Variants in SLC26A5 observed in about 807,000 individuals in gnomAD.
The protein encoded by SLC26A5 is solute carrier family 26 member 5.
Under a neutral mutation model 81.0 loss-of-function variants are expected in SLC26A5, and 51 were observed. The observed-to-expected ratio is 0.63, with a 90% confidence interval of 0.50 to 0.80. The LOEUF (loss-of-function observed/expected upper bound fraction) is 0.80. Ranked by LOEUF, SLC26A5 falls within the 30% of genes least tolerant of loss-of-function variation. SLC26A5 has a pLI of 0.00. For missense variants in SLC26A5, 771 were observed against 905.8 expected, an observed-to-expected ratio of 0.85 and a Z score of 1.91; for synonymous variants, 325 against 332.8, an observed-to-expected ratio of 0.98 and a Z score of 0.25.
At chr7:103,377,905 A>C in intron 17 of SLC26A5, 106 bp from the exon 18 acceptor site, 1 of 988,792 alleles carries the variant, frequency 1.0e-6, no homozygotes, top group Non-Finnish European at 1.6e-6. Flanking sequence ...TAAGCTACTG[A>C]CTCTACCAGA....
chr7:103,383,585 T>C (rs1307565790), intron 14 of SLC26A5, among the ~76,000 whole-genome samples: 2 of 152,252 alleles, frequency 1.3e-5, no homozygotes, highest in Non-Finnish European at 2.9e-5. Flanking sequence ...GCATCTCTTA[T>C]GCTTCTCACA....
rs114748925 is a variant in SLC26A5 at position 103,379,143 on chromosome 7, C to T, written c.1677+100G>A. On this transcript the variant is annotated intron_variant, in intron 16 of 19. Coordinates refer to ENST00000306312, the MANE Select transcript of SLC26A5 (RefSeq NM_198999.3). ...TACAATAAAAGAGAGAGAAACAAAG[C>T]GAGAATGAAATAGTATATACAAAGG... 5.8e-4 allele frequency: 480 copies of T among 821,900 alleles called. No individual in the cohort carries two copies. In the African/African-American group the frequency reaches 6.7e-3, roughly 11 times the overall value. 50.9% of individuals were successfully genotyped at this position (821,900 alleles called of 1,614,324 possible). A position where few individuals can be genotyped will look rare whatever the true frequency, so the allele number is the denominator to read the frequency against.
chr7:103,392,646 C>T (rs1442086404), intron 10 of SLC26A5, among the ~76,000 whole-genome samples: 1 of 152,188 alleles, frequency 6.6e-6, no homozygotes, highest in Non-Finnish European at 1.5e-5. Context: ...GGCGCGACCT[C>T]GGCTCACTGC....
chr7:103,407,897 C>A lies in SLC26A5; in HGVS notation c.842G>T (p.Arg281Ile). Residue 281 changes from arginine to isoleucine, a missense_variant, in exon 8 of 20, where the codon AGA (arginine) becomes ATA (isoleucine). Physicochemically the swap from Arg to Ile is moderately conservative, Grantham distance 97 (BLOSUM62 -3). Transcript: ENST00000306312. ...AGGCGCCGGCAATTTCTCTTTAAATCTCTCATTAAACTCCTTGCCACCCAA... is the reference window on the plus strand; with the variant it reads ...AGGCGCCGGCAATTTCTCTTTAAATATCTCATTAAACTCCTTGCCACCCAA... ...LLLGGKEFNERFKEKLPAPIP... is the reference protein window; with the variant it reads ...LLLGGKEFNEIFKEKLPAPIP... The A allele has an allele frequency of 6.2e-7, 1 of 1,614,162 alleles. No homozygotes were observed. Among genetic ancestry groups the A allele is most frequent in the Non-Finnish European group, 8.5e-7 (1 of 1,180,028 alleles).
intron 19 of SLC26A5, among the ~76,000 whole-genome samples, chr7:103,358,467 T>G (rs1820170080): frequency 6.6e-6 from 1 of 152,182 alleles, no homozygotes; most frequent in Non-Finnish European, 1.5e-5. Flanking sequence ...CCAGGATTGC[T>G]CCTCTAATTT....
intron 2 of SLC26A5, among the ~76,000 whole-genome samples, chr7:103,439,528 GTTGT>G (rs1554351272): frequency 2.0e-4 from 30 of 148,520 alleles, no homozygotes; most frequent in African/African-American, 5.4e-4. Flanking sequence ...GTCTGTTGTT[GTTGT>G]TTGTTTGTTT....
chr7:103,408,059 A>G, intron 7 of SLC26A5, 56 bp from the exon 8 acceptor site: 1 of 1,599,348 alleles, frequency 6.3e-7, no homozygotes, highest in Non-Finnish European at 8.6e-7. Flanking sequence ...TGAGAGAGAC[A>G]GAGACACTCT....
chr7:103,441,716 G>A (rs1275244569), intron 2 of SLC26A5, among the ~76,000 whole-genome samples: 1 of 152,106 alleles, frequency 6.6e-6, no homozygotes, highest in African/African-American at 2.4e-5. Context: ...ATCGTCTCTG[G>A]GGACCTTTAG....
chr7:103,416,336 ACTATAGGT>A (rs1824906234), intron 4 of SLC26A5, among the ~76,000 whole-genome samples: 1 of 152,198 alleles, frequency 6.6e-6, no homozygotes, highest in Non-Finnish European at 1.5e-5. Flanking sequence ...CCCACTTGTC[ACTATAGGT>A]CTTTTATAGG....
downstream of SLC26A5, among the ~76,000 whole-genome samples, chr7:103,371,960 A>G (rs773883114): frequency 4.0e-5 from 6 of 151,722 alleles, no homozygotes; most frequent in Non-Finnish European, 7.4e-5. Flanking sequence ...CTCCCAAAGT[A>G]CTGGGATTAC....
At chr7:103,388,253 G>C (rs1190254350) in intron 14 of SLC26A5, among the ~76,000 whole-genome samples, 11 of 145,944 alleles carry the variant, frequency 7.5e-5, no homozygotes, top group Non-Finnish European at 1.5e-5. Context: ...CTGGAGCGTA[G>C]TGGTGTGATC....
chr7:103,364,430 A>G, intron 19 of SLC26A5: 1 of 1,104,888 alleles, frequency 9.1e-7, no homozygotes, highest in Non-Finnish European at 1.3e-6. Flanking sequence ...TTTTGTTGAG[A>G]CAGAGTCTCA....
chr7:103,364,347 G>T (rs750961758), intron 19 of SLC26A5: 2 of 1,603,338 alleles, frequency 1.2e-6, no homozygotes, highest in Admixed American at 3.4e-5. Context: ...CCTTGTGAAA[G>T]ATTTTACAGT....
intron 14 of SLC26A5, among the ~76,000 whole-genome samples, chr7:103,387,924 C>T (rs1408198359): frequency 2.0e-5 from 3 of 152,138 alleles, no homozygotes; most frequent in African/African-American, 4.8e-5. Context: ...CTTTGTGATC[C>T]ACCTGCCTTG....
At chr7:103,376,759 A>G in intron 19 of SLC26A5, 49 bp downstream of exon 19, 1 of 1,279,030 alleles carries the variant, frequency 7.8e-7, no homozygotes, top group Non-Finnish European at 1.1e-6. Flanking sequence ...TAAATAAGAG[A>G]AACAAAACTA....
chr7:103,389,462 G>A, intron 12 of SLC26A5, 38 bp from the exon 13 acceptor site: 2 of 1,468,304 alleles, frequency 1.4e-6, no homozygotes, highest in Non-Finnish European at 9.5e-7. Context: ...CTCCTCTTGT[G>A]TCCACAGAGT....
Position 103,397,991 on chromosome 7 carries a change from T to C in SLC26A5, c.912A>G (p.Ser304=). The change falls in exon 9 of 20, where the codon TCA becomes TCG. Residue 304 remains serine, a synonymous_variant. Coordinates refer to ENST00000306312, the MANE Select transcript of SLC26A5 (RefSeq NM_198999.3). ...FFAVVMGTGI[S]AGFNLKESYN... ...ATGATTCTTTCAAGTTAAACCCAGC[T>C]GAAATGCCAGTTCCCATTACGACCT... 6.2e-7 allele frequency: 1 copy of C among 1,614,052 alleles called. No individual in the cohort carries two copies. Among genetic ancestry groups the C allele is most frequent in the Non-Finnish European group, 8.5e-7 (1 of 1,179,972 alleles).
chr7:103,390,624 A>T (rs965273024), intron 11 of SLC26A5, 118 bp from the exon 12 acceptor site: 6 of 841,912 alleles, frequency 7.1e-6, no homozygotes, highest in Middle Eastern at 2.2e-4. Context: ...TATGGATTCA[A>T]ATAAGTCAAC....
chr7:103,416,419 G>GAAC (rs1484611662), intron 4 of SLC26A5, among the ~76,000 whole-genome samples: 1 of 152,222 alleles, frequency 6.6e-6, no homozygotes, highest in Non-Finnish European at 1.5e-5. Flanking sequence ...GTAGAGAAGG[G>GAAC]AACAGCCTTT....
Sources: gnomAD v4.1 joint callset for allele counts (sites outside exome capture counted in the v4.1 genomes callset) on GRCh38, gnomAD v4.1.1 for gene constraint, MANE v1.5 for transcripts, NCBI Gene and HGNC (gene_info 2026-07-23, HGNC 2026-07-21) for gene names.